The following SIN3A variants were observed in gnomAD, a reference collection of about 807,000 sequenced individuals.
SIN3A encodes SIN3 transcription regulator family member A.
SIN3A carries 14 observed loss-of-function variants against 146.1 expected under a neutral mutation model. The observed-to-expected ratio is 0.10, with a 90% CI of 0.06 to 0.15. The LOEUF (loss-of-function observed/expected upper bound fraction) is 0.15. SIN3A is among the 10% of genes least tolerant of loss of function. The pLI, the probability that SIN3A is intolerant of heterozygous loss-of-function variation, is 1.00. For synonymous variants in SIN3A, 572 were observed against 572.0 expected (o/e 1.00, Z 0.00); for missense variants, 1,028 against 1,576.0 (o/e 0.65, Z 5.89).
intron 1 of SIN3A, among the ~76,000 whole-genome samples, chr15:75,445,759 G>GAAAAAAAAAAAAAAAAAAAA (rs774883850): frequency 2.3e-5 from 2 of 86,324 alleles, no homozygotes; most frequent in African/African-American, 4.2e-5. Context: ...TCAAAAAAAA[G>GAAAAAAAAAAAAAAAAAAAA]AAAAAAAAAA....
intron 18 of SIN3A, among the ~76,000 whole-genome samples, chr15:75,381,331 G>GT (rs2072963445): frequency 6.6e-6 from 1 of 152,134 alleles, no homozygotes. Context: ...CTCATTTGTT[G>GT]TTTTTTATAC....
chr15:75,402,326 A>G (rs1421252795), intron 9 of SIN3A, among the ~76,000 whole-genome samples: 2 of 152,090 alleles, frequency 1.3e-5, no homozygotes, highest in African/African-American at 4.8e-5. Context: ...AGACTGGCCA[A>G]CATGCTGAAA....
chr15:75,410,038 A>G (rs1304378804), intron 7 of SIN3A, 47 bp from the exon 8 acceptor site: 9 of 1,608,572 alleles, frequency 5.6e-6, no homozygotes, highest in Admixed American at 1.7e-5. Context: ...CAAAGCAAAC[A>G]AATATCATCT....
At chr15:75,397,715 A>G (rs188098204) in intron 12 of SIN3A, among the ~76,000 whole-genome samples, 190 of 152,260 alleles carry the variant, frequency 1.2e-3, no homozygotes, top group African/African-American at 4.2e-3. Flanking sequence ...TCTTAAACAC[A>G]TGCACACCCC....
chr15:75,369,949 A>C lies in SIN3A; in HGVS notation c.*2030T>G, dbSNP rs1325904105. 6.6e-6 allele frequency: 1 copy of C among 152,208 alleles called. No individual in the cohort carries two copies. Among genetic ancestry groups the C allele is most frequent in the Non-Finnish European group, 1.5e-5 (1 of 68,078 alleles). The allele number at this position is 152,208 out of a possible 1,614,324, so 9.4% of individuals were successfully genotyped here. On this transcript the variant is annotated 3_prime_UTR_variant, in exon 21 of 21. Coordinates refer to ENST00000394947, the MANE Select transcript of SIN3A (RefSeq NM_001145358.2). ...CTTTGGCTCACAGTCTCTTCTCCCC[A>C]GTACAAAAAAAGCCTAAAATCAGGC... is the stretch of plus-strand genomic sequence containing the variant.
chr15:75,440,509 GGT>G (rs2074188775), intron 1 of SIN3A, among the ~76,000 whole-genome samples: 1 of 152,088 alleles, frequency 6.6e-6, no homozygotes, highest in South Asian at 2.1e-4. Context: ...TGGGATTACA[GGT>G]GTGAGCCACC....
chr15:75,373,518 C>G (rs868101067), intron 20 of SIN3A, among the ~76,000 whole-genome samples: 6 of 152,226 alleles, frequency 3.9e-5, no homozygotes, highest in Middle Eastern at 3.4e-3. Flanking sequence ...GAATAAGGAC[C>G]CTTTATGATG....
chr15:75,444,831 G>C (rs988833512), intron 1 of SIN3A, among the ~76,000 whole-genome samples: 1 of 152,200 alleles, frequency 6.6e-6, no homozygotes, highest in Non-Finnish European at 1.5e-5. Flanking sequence ...GGTTTTAAAA[G>C]ATGCACTTGG....
intron 11 of SIN3A, 122 bp downstream of exon 11, chr15:75,400,608 T>C (rs2073393627): frequency 1.3e-6 from 1 of 780,666 alleles, no homozygotes; most frequent in Non-Finnish European, 2.1e-6. Context: ...ATTTTCTTTT[T>C]AAAAAGGATT....
intron 19 of SIN3A, among the ~76,000 whole-genome samples, chr15:75,378,286 C>G (rs748951251): frequency 6.6e-6 from 1 of 152,116 alleles, no homozygotes. Context: ...TCACTGGGGC[C>G]GGGTGCAGTG....
At chr15:75,419,519 T>C (rs1216703243) in intron 3 of SIN3A, 1 of 152,048 alleles carries the variant, frequency 6.6e-6, no homozygotes, top group Admixed American at 6.6e-5. Context: ...AGCAAACCAC[T>C]GTTTAAAAAT....
chr15:75,427,811 A>G (rs1013679162), intron 2 of SIN3A, among the ~76,000 whole-genome samples: 2 of 151,778 alleles, frequency 1.3e-5, no homozygotes, highest in African/African-American at 4.8e-5. Context: ...CTCTACTAAA[A>G]ACACAAAAAA....
intron 1 of SIN3A, among the ~76,000 whole-genome samples, chr15:75,450,422 C>T (rs2074381809): frequency 6.6e-6 from 1 of 152,124 alleles, no homozygotes; most frequent in Admixed American, 6.5e-5. Flanking sequence ...CAAGGGAACC[C>T]CAGGGAAGGT....
chr15:75,390,821 C>G (rs563130787), intron 15 of SIN3A, among the ~76,000 whole-genome samples: 2 of 152,286 alleles, frequency 1.3e-5, no homozygotes, highest in South Asian at 4.1e-4. Flanking sequence ...AGTGATCCTC[C>G]CACATCGGCC....
intron 3 of SIN3A, among the ~76,000 whole-genome samples, chr15:75,417,990 C>T (rs917585609): frequency 2.0e-5 from 3 of 152,058 alleles, no homozygotes; most frequent in Admixed American, 6.6e-5. Flanking sequence ...GACACCAAAC[C>T]AACTGGCACC....
At chr15:75,389,317 A>C (rs992961667) in intron 16 of SIN3A, among the ~76,000 whole-genome samples, 8 of 144,756 alleles carry the variant, frequency 5.5e-5, no homozygotes, top group African/African-American at 1.3e-4. Context: ...AAAAAAAAAA[A>C]CTTACCAACA....
intron 1 of SIN3A, among the ~76,000 whole-genome samples, chr15:75,442,829 G>A (rs2074240372): frequency 6.6e-6 from 1 of 151,518 alleles, no homozygotes; most frequent in South Asian, 2.1e-4. Flanking sequence ...CTACTTGGGA[G>A]GCTAAGGCAG....
chr15:75,410,046 T>C (rs1368714716), intron 7 of SIN3A, 55 bp from the exon 8 acceptor site: 1 of 1,607,260 alleles, frequency 6.2e-7, no homozygotes, highest in East Asian at 2.2e-5. Flanking sequence ...ACAAATATCA[T>C]CTAGGAAAAG....
chr15:75,406,601 G>T lies in SIN3A; in HGVS notation c.1407+454C>A, dbSNP rs548534026. Among the ~76,000 whole-genome samples, 3 of 152,240 alleles carry T rather than the reference G, an allele frequency of 2.0e-5. No homozygotes were observed. The East Asian group carries it at 5.8e-4, about 29-fold the overall frequency. ...ACTCGGGAGGCTGAGGCAGGAGAAT[G>T]GCGTGAACCCCAGGAGGCGGAGCCT... is the stretch of plus-strand genomic sequence containing the variant. On this transcript the variant is annotated intron_variant, in intron 9 of 20. Coordinates refer to ENST00000394947, the MANE Select transcript of SIN3A (RefSeq NM_001145358.2).
Sources: gnomAD v4.1 joint callset for allele counts (sites outside exome capture counted in the v4.1 genomes callset) on GRCh38, gnomAD v4.1.1 for gene constraint, MANE v1.5 for transcripts, NCBI Gene and HGNC (gene_info 2026-07-23, HGNC 2026-07-21) for gene names.